The following TNS3 variants were observed in gnomAD, a reference collection of about 807,000 sequenced individuals.
The protein encoded by TNS3 is tensin 3.
In TNS3, 45 loss-of-function variants were observed where a neutral mutation model predicts 140.9. The observed-to-expected ratio is 0.32, with a 90% CI of 0.25 to 0.41. The LOEUF (loss-of-function observed/expected upper bound fraction) is 0.41, where lower values mean the gene tolerates loss of function less well. Among genes scored for constraint, TNS3 ranks in the 10% least tolerant of loss-of-function variants. TNS3 has a pLI of 1.00. For missense variants in TNS3, 1,716 were observed against 1,906.7 expected (o/e 0.90, Z 1.86); for synonymous variants, 815 against 788.4 (o/e 1.03, Z -0.56).
intron 17 of TNS3, among the ~76,000 whole-genome samples, chr7:47,354,702 A>G (rs1562628462): frequency 1.3e-5 from 2 of 151,956 alleles, no homozygotes; most frequent in Non-Finnish European, 2.9e-5. Context: ...GTGAACACAG[A>G]CCCCGGTGAT....
At chr7:47,471,574 A>C (rs1796955559) in intron 4 of TNS3, among the ~76,000 whole-genome samples, 1 of 152,194 alleles carries the variant, frequency 6.6e-6, no homozygotes, top group Non-Finnish European at 1.5e-5. Context: ...GAAGCCTCAC[A>C]ATCCCGCCCA....
chr7:47,573,698 C>G (rs1351778503), intron 1 of TNS3, among the ~76,000 whole-genome samples: 1 of 152,212 alleles, frequency 6.6e-6, no homozygotes, highest in Non-Finnish European at 1.5e-5. Context: ...ACCACCCCGT[C>G]TCTGGGCCTG....
At chr7:47,569,844 A>C (rs1800513345) in intron 1 of TNS3, among the ~76,000 whole-genome samples, 1 of 139,216 alleles carries the variant, frequency 7.2e-6, no homozygotes, top group African/African-American at 2.8e-5. Flanking sequence ...ACAGAACAAG[A>C]CTCTGTCTCA....
intron 13 of TNS3, among the ~76,000 whole-genome samples, chr7:47,406,356 T>C (rs1584584938): frequency 6.6e-6 from 1 of 152,222 alleles, no homozygotes; most frequent in East Asian, 1.9e-4. Flanking sequence ...GAGTGGCAAG[T>C]GGGGCTCTGT....
intron 16 of TNS3, among the ~76,000 whole-genome samples, chr7:47,376,166 A>G (rs1791372619): frequency 6.6e-6 from 1 of 152,228 alleles, no homozygotes; most frequent in African/African-American, 2.4e-5. Context: ...AGTCCTGATG[A>G]TGTGCTGGAG....
chr7:47,420,103 T>C lies in TNS3; in HGVS notation c.473+3998A>G, dbSNP rs73326595. 6.5e-3 allele frequency among the ~76,000 whole-genome samples: 996 copies of C among 152,366 alleles called. 13 individuals carry two copies. Among genetic ancestry groups the C allele is most frequent in the African/African-American group, 0.023 (954 of 41,596 alleles). Reference sequence around the variant, plus strand: ...AGACTATCTGAGGAGCCTCATCCTTTAGAGAATGTGGAAAACTACTCTCCT... The same window carrying C: ...AGACTATCTGAGGAGCCTCATCCTTCAGAGAATGTGGAAAACTACTCTCCT... On this transcript the variant is annotated intron_variant, in intron 10 of 30. Transcript: ENST00000311160.
At chr7:47,556,484 G>A (rs1003088587) in intron 1 of TNS3, among the ~76,000 whole-genome samples, 1 of 152,170 alleles carries the variant, frequency 6.6e-6, no homozygotes, top group Non-Finnish European at 1.5e-5. Flanking sequence ...CTGAGTCTGG[G>A]CATCTGAAGC....
intron 1 of TNS3, among the ~76,000 whole-genome samples, chr7:47,538,013 C>T (rs1799668078): frequency 7.4e-6 from 1 of 134,250 alleles, no homozygotes. Flanking sequence ...CAGGACAATT[C>T]ACAGCACATC....
intron 16 of TNS3, among the ~76,000 whole-genome samples, chr7:47,378,210 C>T (rs570436449): frequency 1.3e-5 from 2 of 152,282 alleles, no homozygotes; most frequent in Admixed American, 1.3e-4. Flanking sequence ...GTGAAGAATT[C>T]CCAGAACTCA....
chr7:47,461,804 T>G (rs990605544), intron 4 of TNS3, among the ~76,000 whole-genome samples: 1 of 152,258 alleles, frequency 6.6e-6, no homozygotes, highest in Non-Finnish European at 1.5e-5. Context: ...CACTGAAGTT[T>G]TTGAGAGCCT....
At chr7:47,480,069 G>A (rs975994081) in intron 4 of TNS3, among the ~76,000 whole-genome samples, 1 of 152,214 alleles carries the variant, frequency 6.6e-6, no homozygotes. Flanking sequence ...CCACACGGGC[G>A]CCGCTGGCCG....
At chr7:47,338,020 C>T (rs530686586) in intron 20 of TNS3, among the ~76,000 whole-genome samples, 2 of 152,164 alleles carry the variant, frequency 1.3e-5, no homozygotes, top group Non-Finnish European at 2.9e-5. Flanking sequence ...GAGACCCATC[C>T]GGGTTGTTGT....
chr7:47,318,451 T>C (rs1305335647), intron 20 of TNS3, among the ~76,000 whole-genome samples: 1 of 152,142 alleles, frequency 6.6e-6, no homozygotes, highest in Non-Finnish European at 1.5e-5. Context: ...ACAGACTCAG[T>C]GACACAATGT....
intron 1 of TNS3, among the ~76,000 whole-genome samples, chr7:47,561,562 T>C (rs1158515680): frequency 1.3e-5 from 2 of 152,198 alleles, no homozygotes; most frequent in Non-Finnish European, 2.9e-5. Flanking sequence ...AGCCAAATCA[T>C]GCAGTCACCT....
At chr7:47,409,783 G>C (rs1793663313) in intron 13 of TNS3, among the ~76,000 whole-genome samples, 1 of 152,220 alleles carries the variant, frequency 6.6e-6, no homozygotes, top group Admixed American at 6.5e-5. Flanking sequence ...TCAGCCTCCT[G>C]AGTAGGTGGG....
intron 3 of TNS3, among the ~76,000 whole-genome samples, chr7:47,501,643 C>T (rs550034513): frequency 7.9e-5 from 12 of 152,254 alleles, no homozygotes; most frequent in African/African-American, 2.9e-4. Context: ...CCACAGCCTC[C>T]CTCCTTGTGC....
At chr7:47,541,582 T>G (rs1327479383) in intron 1 of TNS3, among the ~76,000 whole-genome samples, 1 of 152,076 alleles carries the variant, frequency 6.6e-6, no homozygotes, top group Non-Finnish European at 1.5e-5. Flanking sequence ...GAGATCAAAA[T>G]AGTGATAATA....
At chr7:47,296,049 G>C (rs1194001341) in intron 24 of TNS3, among the ~76,000 whole-genome samples, 3 of 152,104 alleles carry the variant, frequency 2.0e-5, no homozygotes, top group Non-Finnish European at 4.4e-5. Flanking sequence ...TGTCCCCTCA[G>C]TCCACAATTT....
chr7:47,531,081 G>A (rs1799387307), intron 1 of TNS3, among the ~76,000 whole-genome samples: 1 of 151,688 alleles, frequency 6.6e-6, no homozygotes, highest in Non-Finnish European at 1.5e-5. Flanking sequence ...ACACAAAGAA[G>A]GGAACAGACA....
Sources: allele counts gnomAD v4.1 joint callset (sites outside exome capture counted in the v4.1 genomes callset), GRCh38; gene constraint gnomAD v4.1.1; transcripts MANE v1.5; gene names NCBI Gene and HGNC (gene_info 2026-07-23, HGNC 2026-07-21).